Variants in PRDM2 observed in about 807,000 individuals in gnomAD.
The protein encoded by PRDM2 is PR domain zinc finger protein 2.
A neutral mutation model predicts 130.0 loss-of-function variants in PRDM2; 30 were observed. That is an observed-to-expected ratio of 0.23 (90% CI 0.17 to 0.31). The LOEUF (loss-of-function observed/expected upper bound fraction) is 0.31. PRDM2 is among the 10% of genes least tolerant of loss of function. PRDM2 has a pLI of 1.00. For missense variants in PRDM2, 2,011 were observed against 2,108.4 expected, an observed-to-expected ratio of 0.95 and a Z score of 0.90; for synonymous variants, 871 against 782.4, an observed-to-expected ratio of 1.11 and a Z score of -1.89.
intron 1 of PRDM2, among the ~76,000 whole-genome samples, chr1:13,707,403 C>T (rs1642242439): frequency 6.6e-6 from 1 of 152,172 alleles, no homozygotes; most frequent in South Asian, 2.1e-4. Context: ...ACTGAGGATT[C>T]ATTTTGTTTT....
chr1:13,786,759 A>C, intron 8 of PRDM2: 1 of 1,385,396 alleles, frequency 7.2e-7, no homozygotes. Flanking sequence ...AGATCCAAAG[A>C]GAAGGGCACT....
chr1:13,743,814 C>A (rs1643523177), intron 5 of PRDM2, among the ~76,000 whole-genome samples: 1 of 152,218 alleles, frequency 6.6e-6, no homozygotes, highest in African/African-American at 2.4e-5. Context: ...CCAGTCCCTG[C>A]AGATTTTTTG....
At chr1:13,817,682 G>T (rs948213147) in intron 9 of PRDM2, among the ~76,000 whole-genome samples, 1 of 151,840 alleles carries the variant, frequency 6.6e-6, no homozygotes, top group Non-Finnish European at 1.5e-5. Context: ...ACTATAGTAC[G>T]AATAGGGCCA....
chr1:13,718,961 G>T (rs560778840), intron 2 of PRDM2, among the ~76,000 whole-genome samples: 9 of 152,124 alleles, frequency 5.9e-5, no homozygotes, highest in African/African-American at 2.2e-4. Context: ...CTCATTCATC[G>T]TGGACAGACT....
At position 13,779,558 on chromosome 1, in the gene PRDM2, T is replaced by C; in HGVS notation, c.1763T>C (p.Met588Thr). The C allele has an allele frequency of 6.2e-7, 1 of 1,614,194 alleles. No individual in the cohort carries two copies. Among genetic ancestry groups the C allele is most frequent in the Non-Finnish European group, 8.5e-7 (1 of 1,180,004 alleles). ...ACTAGTAACTGTGATGTGATTGAGA[T>C]GGAGTCTGCTTCGGCAGATTTGTAT... is the stretch of plus-strand genomic sequence containing the variant. The part of the protein sequence containing the change: ...NNTSNCDVIE[M>T]ESASADLYGI... Residue 588 changes from methionine to threonine, a missense_variant, in exon 8 of 10, where the codon ATG becomes ACG. Around this residue, in one of 5 missense-constraint regions of PRDM2, gnomAD observed 1,288 missense variants for 1,237.7 expected, o/e 1.04. Coordinates refer to ENST00000311066, the MANE Select transcript of PRDM2 (RefSeq NM_001393986.1). This position sits in a 1 kb window ranked among gnomAD's most constrained non-coding sequence, Gnocchi z 4.9.
rs72869961 is a variant in PRDM2, at chr1:13,808,557, G to A, written c.5037-7870G>A. Among the ~76,000 whole-genome samples the A allele has an allele frequency of 4.2e-3, 640 of 151,786 alleles. 1 individual carries two copies. The highest frequency in any genetic ancestry group is 0.014 in the African/African-American group (597 of 41,328). ...GACTACGTATCTCATTCATTTTGCC[G>A]GGATTTTATGGAGGAGCATCTTGGG... On this transcript the variant is annotated intron_variant, in intron 8 of 9. Transcript: ENST00000311066.
chr1:13,757,238 A>T (rs1271921189), intron 6 of PRDM2, among the ~76,000 whole-genome samples: 1 of 152,234 alleles, frequency 6.6e-6, no homozygotes, highest in Non-Finnish European at 1.5e-5. Flanking sequence ...TAGTTTTTAA[A>T]AACACAGATT....
At chr1:13,719,353 C>G (rs1642649854) in intron 2 of PRDM2, among the ~76,000 whole-genome samples, 1 of 152,158 alleles carries the variant, frequency 6.6e-6, no homozygotes, top group African/African-American at 2.4e-5. Context: ...GGAGAGCAAG[C>G]TATGGTCTGG....
chr1:13,749,778 C>T (rs1643755318), intron 6 of PRDM2, among the ~76,000 whole-genome samples: 1 of 152,052 alleles, frequency 6.6e-6, no homozygotes, highest in South Asian at 2.1e-4. Context: ...TGACTTAGCT[C>T]CTGGGCGGCA....
At chr1:13,750,427 G>A (rs1044546276) in intron 6 of PRDM2, among the ~76,000 whole-genome samples, 1 of 151,336 alleles carries the variant, frequency 6.6e-6, no homozygotes, top group Non-Finnish European at 1.5e-5. Context: ...TAGGTCTTAA[G>A]TAGATTTCTT....
At chr1:13,741,304 T>C (rs1643429589) in intron 4 of PRDM2, among the ~76,000 whole-genome samples, 1 of 151,992 alleles carries the variant, frequency 6.6e-6, no homozygotes, top group South Asian at 2.1e-4. Context: ...CTGGAAGGGG[T>C]TGAGGTTTTG....
rs981787767 is a variant in PRDM2 at position 13,778,416 on chromosome 1, A to G, written c.623-2A>G. 12 of 1,583,594 alleles carry G rather than the reference A, an allele frequency of 7.6e-6. No individual in the cohort carries two copies. The highest frequency in any genetic ancestry group is 2.7e-5 in the African/African-American group (2 of 73,280). ...ATGCTTCTGCTTCCATGTGCTTTCTAGGTCCTAAAGAAGACGAAGAGAAGC... is the reference window on the plus strand; with the variant it reads ...ATGCTTCTGCTTCCATGTGCTTTCTGGGTCCTAAAGAAGACGAAGAGAAGC... On this transcript the variant is annotated splice_acceptor_variant, in intron 7 of 9. Coordinates refer to ENST00000311066, the MANE Select transcript of PRDM2 (RefSeq NM_001393986.1). LOFTEE classifies it high-confidence loss of function.
At chr1:13,766,613 A>G (rs989245642) in intron 6 of PRDM2, among the ~76,000 whole-genome samples, 1 of 152,108 alleles carries the variant, frequency 6.6e-6, no homozygotes. Flanking sequence ...GTCCTCGATG[A>G]CCATTCATGG....
intron 6 of PRDM2, among the ~76,000 whole-genome samples, chr1:13,757,778 C>CTTTTTTTTTTTTT (rs34501705): frequency 1.9e-5 from 2 of 105,904 alleles, no homozygotes; most frequent in African/African-American, 3.7e-5. Flanking sequence ...AGGTGGATAG[C>CTTTTTTTTTTTTT]TTTTTTTTTT....
chr1:13,788,649 C>T (rs1485299872), intron 8 of PRDM2, among the ~76,000 whole-genome samples: 6 of 152,136 alleles, frequency 3.9e-5, no homozygotes, highest in South Asian at 2.1e-4. Flanking sequence ...TAGAAAAACA[C>T]GGAGGAGAGA....
intron 6 of PRDM2, chr1:13,769,208 C>T (rs368166331): frequency 3.3e-5 from 31 of 947,034 alleles, no homozygotes; most frequent in East Asian, 2.3e-4. Flanking sequence ...GGCCTCCCAG[C>T]GGCTCCTGCT....
chr1:13,700,356 C>T (rs1361584184), intron 1 of PRDM2, 56 bp downstream of exon 1: 3 of 148,792 alleles, frequency 2.0e-5, no homozygotes, highest in Non-Finnish European at 4.5e-5. Context: ...GCTGGTCCCT[C>T]CCCCCGAGGA....
At chr1:13,705,938 C>T (rs1443078414) in intron 1 of PRDM2, among the ~76,000 whole-genome samples, 14 of 145,808 alleles carry the variant, frequency 9.6e-5, no homozygotes, top group Admixed American at 6.4e-4. Context: ...GTCGAGATCG[C>T]GCCACTGCAC....
At position 13,792,672 on chromosome 1, in the gene PRDM2, A is replaced by G. The variant is rs544084031; in HGVS notation, c.5036+9841A>G. Among the ~76,000 whole-genome samples, 19 of 152,344 alleles carry G rather than the reference A, an allele frequency of 1.2e-4. No individual in the cohort carries two copies. In the East Asian group the frequency reaches 3.7e-3, roughly 29 times the overall value. The stretch of plus-strand genomic sequence containing the variant: ...TTTCAACAGCCAATCTGAATCATCA[A>G]AGTGTCAGGCTGTAGATCTGAAGGA... On this transcript the variant is annotated intron_variant, in intron 8 of 9. Coordinates refer to ENST00000311066, the MANE Select transcript of PRDM2 (RefSeq NM_001393986.1).
Sources: allele counts gnomAD v4.1 joint callset (sites outside exome capture counted in the v4.1 genomes callset), GRCh38; gene constraint gnomAD v4.1.1; regional missense constraint gnomAD v4.1.1; non-coding constraint Gnocchi (gnomAD v3.1); transcripts MANE v1.5; gene names NCBI Gene and HGNC (gene_info 2026-07-23, HGNC 2026-07-21).